Variants in CDH13 observed in about 807,000 individuals in gnomAD.
CDH13 encodes the protein cadherin-13.
A neutral mutation model predicts 63.8 loss-of-function variants in CDH13; 24 were observed. The observed-to-expected ratio is 0.38, with a 90% confidence interval of 0.27 to 0.53. CDH13 has a LOEUF of 0.53. Among genes scored for constraint, CDH13 ranks in the 20% least tolerant of loss-of-function variants. The pLI, the probability that CDH13 is intolerant of heterozygous loss-of-function variation, is 0.85. For missense variants in CDH13, 1,049 were observed against 903.1 expected (o/e 1.16, Z -2.07); for synonymous variants, 503 against 355.3 (o/e 1.42, Z -4.67).
chr16:83,077,102 G>T (rs568686781), intron 3 of CDH13, among the ~76,000 whole-genome samples: 6 of 149,330 alleles, frequency 4.0e-5, no homozygotes, highest in African/African-American at 1.5e-4. Flanking sequence ...GAATGAAATC[G>T]TATGGTATAT....
At chr16:82,867,996 T>A (rs1279709355) in intron 2 of CDH13, among the ~76,000 whole-genome samples, 3 of 152,258 alleles carry the variant, frequency 2.0e-5, no homozygotes, top group Admixed American at 6.5e-5. Context: ...TTTCCCATTT[T>A]CTGGTCATTC....
intron 6 of CDH13, among the ~76,000 whole-genome samples, chr16:83,449,668 C>G (rs1254660931): frequency 1.3e-5 from 2 of 152,110 alleles, no homozygotes; most frequent in East Asian, 3.9e-4. Context: ...GATGAATAAT[C>G]ATGGTGAAGA....
intron 6 of CDH13, 48 bp from the exon 7 acceptor site, chr16:83,486,429 G>T (rs375640649): frequency 2.8e-5 from 44 of 1,559,554 alleles, no homozygotes; most frequent in Middle Eastern, 1.9e-4. Context: ...TCTGGCCGTT[G>T]TTGACCCATT....
rs139054666 is a variant in CDH13, at chr16:83,155,972, T to G, written c.483+30471T>G. 5.2e-3 allele frequency among the ~76,000 whole-genome samples: 787 copies of G among 152,276 alleles called. 5 individuals carry two copies. The highest frequency in any genetic ancestry group is 0.018 in the African/African-American group (752 of 41,552). ...GGAGGACCTGGTCATCAGCATGTCT[T>G]TGAGCTCCCCGGGTGAGTCCACATG... On this transcript the variant is annotated intron_variant, in intron 4 of 13. Coordinates refer to ENST00000567109, the MANE Select transcript of CDH13 (RefSeq NM_001257.5).
At chr16:83,572,200 G>GTGTGTGTGTGTT (rs1904699906) in intron 7 of CDH13, among the ~76,000 whole-genome samples, 1 of 151,694 alleles carries the variant, frequency 6.6e-6, no homozygotes, top group Admixed American at 6.6e-5. Context: ...GTGTGTGTGT[G>GTGTGTGTGTGTT]TGTGTGTGTG....
intron 1 of CDH13, among the ~76,000 whole-genome samples, chr16:82,787,858 A>C (rs575227941): frequency 1.6e-3 from 2 of 1,258 alleles, no homozygotes; most frequent in African/African-American, 2.5e-3. Flanking sequence ...GTGTGATCTC[A>C]AAAGCCATCA....
intron 5 of CDH13, among the ~76,000 whole-genome samples, chr16:83,238,090 G>C (rs1253882731): frequency 1.1e-5 from 1 of 94,486 alleles, no homozygotes; most frequent in African/African-American, 4.2e-5. Flanking sequence ...GCATTAGACT[G>C]GGACTGAGGA....
At chr16:83,659,258 C>T (rs934416189) in intron 8 of CDH13, among the ~76,000 whole-genome samples, 2 of 151,042 alleles carry the variant, frequency 1.3e-5, no homozygotes, top group South Asian at 2.1e-4. Context: ...CACCAGGTCC[C>T]ATGTCCTCAC....
chr16:83,627,378 C>A (rs1262537077), intron 8 of CDH13, among the ~76,000 whole-genome samples: 1 of 152,144 alleles, frequency 6.6e-6, no homozygotes, highest in African/African-American at 2.4e-5. Flanking sequence ...GATGAACATA[C>A]ATACAGCGAA....
chr16:83,602,303 A>G (rs1181700781), intron 7 of CDH13, 151 bp from the exon 8 acceptor site: 2 of 789,838 alleles, frequency 2.5e-6, no homozygotes, highest in Non-Finnish European at 4.4e-6. Context: ...GCACATTTAT[A>G]CACAATAGGT....
chr16:83,098,122 T>C (rs2034295662), intron 3 of CDH13, among the ~76,000 whole-genome samples: 1 of 152,218 alleles, frequency 6.6e-6, no homozygotes, highest in African/African-American at 2.4e-5. Flanking sequence ...AAATAATCTT[T>C]GAGACCAAAC....
intron 4 of CDH13, among the ~76,000 whole-genome samples, chr16:83,170,775 G>T (rs1392522520): frequency 6.6e-6 from 1 of 152,102 alleles, no homozygotes; most frequent in Admixed American, 6.6e-5. Flanking sequence ...TAACAGTGTG[G>T]ATGAGAGGTA....
chr16:82,781,146 G>T (rs2035734237), intron 1 of CDH13, among the ~76,000 whole-genome samples: 1 of 152,230 alleles, frequency 6.6e-6, no homozygotes, highest in Non-Finnish European at 1.5e-5. Flanking sequence ...AAGAATAAAA[G>T]TGGCAGTTTT....
At chr16:82,808,957 G>C (rs1433239247) in intron 1 of CDH13, among the ~76,000 whole-genome samples, 1 of 152,108 alleles carries the variant, frequency 6.6e-6, no homozygotes, top group Non-Finnish European at 1.5e-5. Flanking sequence ...TTAGGTAGGT[G>C]CAATAAACTA....
chr16:83,231,695 C>T (rs1299697365), intron 5 of CDH13, among the ~76,000 whole-genome samples: 2 of 152,174 alleles, frequency 1.3e-5, no homozygotes, highest in Non-Finnish European at 2.9e-5. Context: ...AGAGTGTGGC[C>T]TGCAAAGCCA....
intron 7 of CDH13, among the ~76,000 whole-genome samples, chr16:83,548,524 G>C (rs1478274748): frequency 6.6e-6 from 1 of 152,196 alleles, no homozygotes; most frequent in Non-Finnish European, 1.5e-5. Context: ...TGTCAGAGGT[G>C]ATCTTTGGGT....
chr16:83,761,930 G>A (rs1370219526), intron 11 of CDH13, among the ~76,000 whole-genome samples: 1 of 151,624 alleles, frequency 6.6e-6, no homozygotes, highest in Non-Finnish European at 1.5e-5. Flanking sequence ...AGCCAGGCGT[G>A]GTTGTGCATG....
chr16:83,036,513 C>G (rs78654607), intron 3 of CDH13, among the ~76,000 whole-genome samples: 3,343 of 152,224 alleles, frequency 0.022, 55 homozygotes, highest in Non-Finnish European at 0.036. Flanking sequence ...TAAACCTGCA[C>G]AATGTTCACT....
intron 11 of CDH13, among the ~76,000 whole-genome samples, chr16:83,755,890 TAAAGTAAA>T (rs1913470900): frequency 6.6e-6 from 1 of 151,982 alleles, no homozygotes; most frequent in Admixed American, 6.6e-5. Context: ...TAAATATGTA[TAAAGTAAA>T]AAAGTAAATG....
Sources: allele counts gnomAD v4.1 joint callset (sites outside exome capture counted in the v4.1 genomes callset), GRCh38; gene constraint gnomAD v4.1.1; transcripts MANE v1.5; gene names NCBI Gene and HGNC (gene_info 2026-07-23, HGNC 2026-07-21).